MAGI1: variants seen among roughly 807,000 people sequenced by gnomAD.
MAGI1 encodes membrane-associated guanylate kinase, WW and PDZ domain-containing protein 1.
Under a neutral mutation model 139.9 loss-of-function variants are expected in MAGI1, and 58 were observed. The ratio of observed to expected loss-of-function variants is 0.41; its 90% confidence interval spans 0.34 to 0.52. MAGI1 has a LOEUF of 0.52. Among genes scored for constraint, MAGI1 ranks in the 20% least tolerant of loss-of-function variants. MAGI1 has a pLI of 0.12. For synonymous variants in MAGI1, 812 were observed against 737.9 expected, an observed-to-expected ratio of 1.10 and a Z score of -1.63; for missense variants, 1,874 against 1,901.6, an observed-to-expected ratio of 0.99 and a Z score of 0.27.
Position 65,379,507 on chromosome 3 carries a change from TGTG to T in MAGI1, c.2746_2748del (p.His916del). 6.2e-7 allele frequency: 1 copy of T among 1,613,696 alleles called. No homozygotes were observed. The highest frequency in any genetic ancestry group is 2.2e-5 in the East Asian group (1 of 44,858). On this transcript the variant is annotated inframe_deletion, in exon 17 of 23. Transcript: ENST00000402939. ...GTCAGCGAGGCCGGCTGGTTGCTAC[TGTG>T]ATGAGAGGAGGCTGGCGAGGGCACC...
intron 1 of MAGI1, among the ~76,000 whole-genome samples, chr3:65,805,897 T>G (rs1285892279): frequency 6.6e-6 from 1 of 151,952 alleles, no homozygotes; most frequent in African/African-American, 2.4e-5. Flanking sequence ...TGAGAACACA[T>G]GGACACAGGG....
chr3:65,756,467 G>C (rs1478924570), intron 1 of MAGI1, among the ~76,000 whole-genome samples: 1 of 152,102 alleles, frequency 6.6e-6, no homozygotes, highest in Non-Finnish European at 1.5e-5. Flanking sequence ...CTTCTCATGG[G>C]GACCCTGCTT....
chr3:65,890,259 G>T (rs2060693680), intron 1 of MAGI1, among the ~76,000 whole-genome samples: 1 of 152,148 alleles, frequency 6.6e-6, no homozygotes, highest in Non-Finnish European at 1.5e-5. Context: ...CAGCTACTCG[G>T]GAGGCTGAGG....
chr3:66,038,892 G>A lies in MAGI1; in HGVS notation c.-584C>T, dbSNP rs575029052. On this transcript the variant is annotated 5_prime_UTR_variant, in exon 1 of 23. Coordinates refer to ENST00000402939, the MANE Select transcript of MAGI1 (RefSeq NM_001033057.2). ...TCTATTCCGCGCCGCGGAGCGCAGC[G>A]GCCGGCGACAGGAGACGCGCGCGCA... 3.9e-5 allele frequency: 6 copies of A among 152,160 alleles called. No homozygotes were observed. The highest frequency in any genetic ancestry group is 1.2e-4 in the African/African-American group (5 of 41,558). 9.4% of individuals were successfully genotyped at this position (152,160 alleles called of 1,614,324 possible). A position where few individuals can be genotyped will look rare whatever the true frequency, so the allele number is the denominator to read the frequency against.
intron 1 of MAGI1, among the ~76,000 whole-genome samples, chr3:66,031,789 A>T (rs899564731): frequency 1.3e-5 from 2 of 151,868 alleles, no homozygotes; most frequent in Non-Finnish European, 2.9e-5. Context: ...TAGCCAAAAA[A>T]AAAAGTACAC....
chr3:65,880,733 T>G (rs1406444926), intron 1 of MAGI1, among the ~76,000 whole-genome samples: 1 of 151,918 alleles, frequency 6.6e-6, no homozygotes, highest in Non-Finnish European at 1.5e-5. Context: ...AAGAAACACT[T>G]TTAAGTTTTA....
At chr3:65,477,841 G>C (rs1258492983) in intron 4 of MAGI1, among the ~76,000 whole-genome samples, 1 of 151,196 alleles carries the variant, frequency 6.6e-6, no homozygotes, top group Non-Finnish European at 1.5e-5. Context: ...CCTGCAAATG[G>C]TACCCCCTGG....
chr3:65,373,852 C>CACA (rs1942237389), intron 18 of MAGI1, among the ~76,000 whole-genome samples: 1 of 152,202 alleles, frequency 6.6e-6, no homozygotes, highest in African/African-American at 2.4e-5. Context: ...TGTTTTCCTC[C>CACA]ACATTTAGTG....
chr3:65,856,454 G>C (rs1216078481), intron 1 of MAGI1, among the ~76,000 whole-genome samples: 2 of 152,148 alleles, frequency 1.3e-5, no homozygotes, highest in Non-Finnish European at 2.9e-5. Flanking sequence ...AGTGTGACCA[G>C]AGCAAGACTC....
intron 1 of MAGI1, among the ~76,000 whole-genome samples, chr3:65,889,906 G>A (rs1235247319): frequency 6.6e-6 from 1 of 152,208 alleles, no homozygotes; most frequent in Non-Finnish European, 1.5e-5. Flanking sequence ...TGAGGATGCT[G>A]CCACATGTAT....
At chr3:65,893,222 T>C (rs1006418369) in intron 1 of MAGI1, among the ~76,000 whole-genome samples, 3 of 152,102 alleles carry the variant, frequency 2.0e-5, no homozygotes, top group South Asian at 2.1e-4. Flanking sequence ...ATTGGAGTCA[T>C]TAGTCCTCTT....
intron 3 of MAGI1, among the ~76,000 whole-genome samples, chr3:65,486,711 T>C (rs930675888): frequency 6.6e-6 from 1 of 152,186 alleles, no homozygotes; most frequent in Non-Finnish European, 1.5e-5. Context: ...TAATAACTTC[T>C]ATGCCTTGTG....
At chr3:65,585,281 C>G (rs1255474594) in intron 2 of MAGI1, among the ~76,000 whole-genome samples, 1 of 152,162 alleles carries the variant, frequency 6.6e-6, no homozygotes, top group African/African-American at 2.4e-5. Context: ...CAATGGTGAG[C>G]AGGACTGACT....
chr3:65,444,891 C>T (rs1948580973), intron 7 of MAGI1, among the ~76,000 whole-genome samples: 1 of 152,140 alleles, frequency 6.6e-6, no homozygotes, highest in Non-Finnish European at 1.5e-5. Context: ...CCAATGTGGT[C>T]ATTAACTTAA....
intron 2 of MAGI1, among the ~76,000 whole-genome samples, chr3:65,528,549 C>T (rs2078494013): frequency 6.6e-6 from 1 of 152,192 alleles, no homozygotes; most frequent in African/African-American, 2.4e-5. Flanking sequence ...ATCTGCATCT[C>T]AATTTCTGAA....
intron 1 of MAGI1, among the ~76,000 whole-genome samples, chr3:66,026,988 G>T (rs1054279850): frequency 6.6e-6 from 1 of 150,846 alleles, no homozygotes; most frequent in African/African-American, 2.4e-5. Flanking sequence ...AGAGAGGACC[G>T]GCTGGGCGCG....
intron 1 of MAGI1, among the ~76,000 whole-genome samples, chr3:65,793,141 G>A (rs1462185571): frequency 6.6e-6 from 1 of 152,198 alleles, no homozygotes; most frequent in Non-Finnish European, 1.5e-5. Context: ...GGGAAGACAG[G>A]GATGTTGGAA....
intron 1 of MAGI1, among the ~76,000 whole-genome samples, chr3:65,728,820 A>T (rs928929487): frequency 3.3e-5 from 5 of 152,164 alleles, no homozygotes; most frequent in Non-Finnish European, 7.4e-5. Flanking sequence ...TAACTGCATA[A>T]GCACTATTCC....
intron 2 of MAGI1, among the ~76,000 whole-genome samples, chr3:65,561,431 C>T (rs1045780492): frequency 5.3e-5 from 8 of 152,090 alleles, no homozygotes; most frequent in African/African-American, 1.9e-4. Flanking sequence ...AAACCCACCA[C>T]TCAGAAAAAT....
Sources: allele counts gnomAD v4.1 joint callset (sites outside exome capture counted in the v4.1 genomes callset), GRCh38; gene constraint gnomAD v4.1.1; transcripts MANE v1.5; gene names NCBI Gene and HGNC (gene_info 2026-07-23, HGNC 2026-07-21).